The following AK1 variants were observed in gnomAD, a reference collection of about 807,000 sequenced individuals.
The protein encoded by AK1 is adenylate kinase 1.
A neutral mutation model predicts 23.9 loss-of-function variants in AK1; 13 were observed. The ratio of observed to expected loss-of-function variants is 0.54; its 90% CI spans 0.35 to 0.86. The LOEUF is 0.86. Ranked by LOEUF, AK1 falls within the 40% of genes least tolerant of loss-of-function variation. AK1 has a pLI of 0.01. For missense variants in AK1, 214 were observed against 255.1 expected, an observed-to-expected ratio of 0.84 and a Z score of 1.10; for synonymous variants, 97 against 102.8, an observed-to-expected ratio of 0.94 and a Z score of 0.34.
At chr9:127,873,424 G>C in intron 2 of AK1, 1 of 1,564,708 alleles carries the variant, frequency 6.4e-7, no homozygotes, top group East Asian at 2.3e-5. Context: ...TCTCTGCGGG[G>C]GTCACTCGAG....
rs988436292 is a variant in AK1, at chr9:127,871,446, C to A, written c.324+377G>T. Among the ~76,000 whole-genome samples, 7 of 151,566 alleles carry A rather than the reference C, an allele frequency of 4.6e-5. No homozygotes were observed. The highest frequency in any genetic ancestry group is 1.0e-4 in the Non-Finnish European group (7 of 68,006). On this transcript the variant is annotated intron_variant, in intron 5 of 6. Transcript: ENST00000644144. This position sits in a 1 kb window ranked among gnomAD's most constrained non-coding sequence, Gnocchi z 4.4. ...CTGTGTGTTTATAGGGAGCCAAGGC[C>A]CACACTGGAAGGGCACATCCTCTCC...
intron 2 of AK1, chr9:127,874,379 G>A (rs777623528): frequency 5.0e-5 from 49 of 985,236 alleles, no homozygotes; most frequent in Non-Finnish European, 5.5e-5. Context: ...GGGGGTGTGC[G>A]CTGGGGCCCT....
At position 127,870,825 on chromosome 9, in the gene AK1, T is replaced by TG. The variant is rs1564472231; in HGVS notation, c.324+997dup. On this transcript the variant is annotated intron_variant, in intron 5 of 6. Coordinates refer to ENST00000644144, the MANE Select transcript of AK1 (RefSeq NM_000476.3). ...GGAGACGGGGCATGGGAATGGGGCA[T>TG]GGGAATGGGGCATGGGGATGGGAGT... is the stretch of plus-strand genomic sequence containing the variant. Among the ~76,000 whole-genome samples, 199 of 75,970 alleles carry TG rather than the reference T, an allele frequency of 2.6e-3. 2 individuals are homozygous for TG. Among genetic ancestry groups the TG allele is most frequent in the African/African-American group, 7.8e-3 (180 of 23,140 alleles). The allele number at this position is 75,970 out of a possible 152,430, so 49.8% of individuals were successfully genotyped here. A position where few individuals can be genotyped will look rare whatever the true frequency, so the allele number is the denominator to read the frequency against.
rs192232491 is a variant in AK1 at position 127,869,819 on chromosome 9, A to G, written c.325-1307T>C. ...GAGCTCCTCCAGGGCACAGACTCAC[A>G]GTCTCTGGTTCATCTGGGTCTCCAG... On this transcript the variant is annotated intron_variant, in intron 5 of 6. Transcript: ENST00000644144. Among the ~76,000 whole-genome samples, 670 of 152,342 alleles carry G rather than the reference A, an allele frequency of 4.4e-3. 4 individuals are homozygous for G. The highest frequency in any genetic ancestry group is 0.015 in the African/African-American group (634 of 41,584).
rs959007239 is a variant in AK1, at chr9:127,867,596, C to T, written c.*412G>A. ...GATGCAGAGGAGCCCAGGCTGGGAC[C>T]GGTTCTGCCTGAACATGAGCCCCTC... On this transcript the variant is annotated 3_prime_UTR_variant, in exon 7 of 7. Transcript: ENST00000644144. 50 of 260,146 alleles carry T rather than the reference C, an allele frequency of 1.9e-4. 1 individual carries two copies. In the South Asian group the frequency reaches 2.2e-3, roughly 11 times the overall value. 16.1% of individuals were successfully genotyped at this position (260,146 alleles called of 1,614,324 possible). A position where few individuals can be genotyped will look rare whatever the true frequency, so the allele number is the denominator to read the frequency against.
rs959702094 is a variant in AK1 at position 127,871,161 on chromosome 9, G to A, written c.324+662C>T. Among the ~76,000 whole-genome samples the A allele has an allele frequency of 6.6e-5, 10 of 151,734 alleles. No individual in the cohort carries two copies. In the East Asian group the frequency reaches 1.5e-3, roughly 23 times the overall value. ...TGCATGTGTATGTGCAAGCGTCCAC[G>A]TGTGTGCGTGTGTGGGGTGCCCCAT... is the stretch of plus-strand genomic sequence containing the variant. On this transcript the variant is annotated intron_variant, in intron 5 of 6. Transcript: ENST00000644144. This position sits in a 1 kb window ranked among gnomAD's most constrained non-coding sequence, Gnocchi z 4.4.
intron 2 of AK1, chr9:127,873,454 C>G (rs908903420): frequency 2.0e-6 from 3 of 1,519,772 alleles, no homozygotes; most frequent in Non-Finnish European, 8.8e-7. Flanking sequence ...CCCATGGTCC[C>G]GTCCTGCCGT....
rs1007249158 is a variant in AK1 at position 127,874,336 on chromosome 9, G to T, written c.7+275C>A. 5 of 985,282 alleles carry T rather than the reference G, an allele frequency of 5.1e-6. No individual in the cohort carries two copies. In the African/African-American group the frequency reaches 8.7e-5, roughly 17 times the overall value. The allele number at this position is 985,282 out of a possible 1,614,324, so 61.0% of individuals were successfully genotyped here. On this transcript the variant is annotated intron_variant, in intron 2 of 6. Transcript: ENST00000644144. Reference sequence around the variant, plus strand: ...TTTTGTGTATCTGTGGCCTCTCCATGGGGCAGGGTCTCAGCTCTATAAACC... The same window carrying T: ...TTTTGTGTATCTGTGGCCTCTCCATTGGGCAGGGTCTCAGCTCTATAAACC...
In AK1 at chr9:127,867,810, G is replaced by A. The variant is rs977425856; in HGVS notation, c.*198C>T. 6.3e-5 allele frequency: 37 copies of A among 591,856 alleles called. No homozygotes were observed. The South Asian group carries it at 7.2e-4, about 12-fold the overall frequency. The allele number at this position is 591,856 out of a possible 1,614,324, so 36.7% of individuals were successfully genotyped here. ...ACAAGCACATGAATCAACTCCAACT[G>A]GAAGCAGAGAAAAAGCAGTAAAACC... On this transcript the variant is annotated 3_prime_UTR_variant, in exon 7 of 7. Coordinates refer to ENST00000644144, the MANE Select transcript of AK1 (RefSeq NM_000476.3).
chr9:127,873,340 C>A, intron 2 of AK1: 1 of 1,547,202 alleles, frequency 6.5e-7, no homozygotes, highest in Non-Finnish European at 8.7e-7. Flanking sequence ...GCGGGCTGGG[C>A]CGCCAGCCCT....
chr9:127,871,798 A>T lies in AK1; in HGVS notation c.324+25T>A. 6.2e-7 allele frequency: 1 copy of T among 1,603,478 alleles called. No individual in the cohort carries two copies. Reference sequence around the variant, plus strand: ...TCTTATCCTGCCCCAGCCCACCAGGATCCCCACTTGGGTCAGTGCCTTACC... The same window carrying T: ...TCTTATCCTGCCCCAGCCCACCAGGTTCCCCACTTGGGTCAGTGCCTTACC... On this transcript the variant is annotated intron_variant, in intron 5 of 6. Transcript: ENST00000644144. This position sits in a 1 kb window ranked among gnomAD's most constrained non-coding sequence, Gnocchi z 4.4.
At chr9:127,870,805 C>CGGGGCATGGGGAT (rs752617830) in intron 5 of AK1, among the ~76,000 whole-genome samples, 2 of 133,108 alleles carry the variant, frequency 1.5e-5, no homozygotes, top group African/African-American at 5.5e-5. Flanking sequence ...CCTACGGAGA[C>CGGGGCATGGGGAT]GGGGCATGGG....
Position 127,868,191 on chromosome 9 carries a change from C to A in AK1, c.517-115G>T. ...CCGAGCCCAACCTAATTGACAGCAG[C>A]CCCTCATTGAACCAGTGGGGAAACC... On this transcript the variant is annotated intron_variant, in intron 6 of 6. Transcript: ENST00000644144. The surrounding 1 kb of genome is among the most constrained non-coding windows in gnomAD (Gnocchi z 4.1). 1 of 1,455,152 alleles carries A rather than the reference C, an allele frequency of 6.9e-7. No homozygotes were observed. The highest frequency in any genetic ancestry group is 9.5e-7 in the Non-Finnish European group (1 of 1,052,586). 90.1% of individuals were successfully genotyped at this position (1,455,152 alleles called of 1,614,324 possible).
chr9:127,868,108 A>G lies in AK1; in HGVS notation c.517-32T>C. Reference sequence around the variant, plus strand: ...GGAGATGGGCCGTGAGGGCTGAGTCACCAGGTGGAGTGGGGTGGGCCTCAC... The same window carrying G: ...GGAGATGGGCCGTGAGGGCTGAGTCGCCAGGTGGAGTGGGGTGGGCCTCAC... On this transcript the variant is annotated intron_variant, in intron 6 of 6. Coordinates refer to ENST00000644144, the MANE Select transcript of AK1 (RefSeq NM_000476.3). The surrounding 1 kb of genome is among the most constrained non-coding windows in gnomAD (Gnocchi z 4.1). The G allele has an allele frequency of 1.2e-6, 2 of 1,611,930 alleles. No homozygotes were observed. Among genetic ancestry groups the G allele is most frequent in the Non-Finnish European group, 1.7e-6 (2 of 1,178,116 alleles).
At position 127,872,763 on chromosome 9, in the gene AK1, G is replaced by T. The variant is rs570169975; in HGVS notation, c.134C>A (p.Ser45Tyr). ...THLSTGDLLRSEVSSGSARGK... is the reference protein window; with the variant it reads ...THLSTGDLLRYEVSSGSARGK... The stretch of plus-strand genomic sequence containing the variant: ...CCTGGCCGAGCCTGAGCTGACCTCG[G>T]ACCGCAGGAGGTCCCCGGTGGAGAG... Residue 45 changes from serine (S) to tyrosine (Y), a missense_variant, in exon 4 of 7, where the codon TCC becomes TAC. Transcript: ENST00000644144. 6.2e-7 allele frequency: 1 copy of T among 1,614,138 alleles called. No individual in the cohort carries two copies. Among genetic ancestry groups the T allele is most frequent in the African/African-American group, 1.3e-5 (1 of 75,048 alleles).
At position 127,869,075 on chromosome 9, in the gene AK1, T is replaced by C. The variant is rs113544593; in HGVS notation, c.325-563A>G. On this transcript the variant is annotated intron_variant, in intron 5 of 6. Transcript: ENST00000644144. ...GGTCCTTTGACAAAGGAACAAGGGA[T>C]GAGGGAAGGGGTGAGGGGCTGCTGA... 2.0e-3 allele frequency among the ~76,000 whole-genome samples: 304 copies of C among 152,224 alleles called. 2 individuals carry two copies. The highest frequency in any genetic ancestry group is 6.9e-3 in the African/African-American group (285 of 41,548).
rs986887859 is a variant in AK1, at chr9:127,867,772, C to T, written c.*236G>A. On this transcript the variant is annotated 3_prime_UTR_variant, in exon 7 of 7. Coordinates refer to ENST00000644144, the MANE Select transcript of AK1 (RefSeq NM_000476.3). ...GGAGGGTTGAGGGGCTGGGGACTTG[C>T]GGCCAGGTAGGCACAAGCACATGAA... The T allele has an allele frequency of 2.9e-5, 15 of 513,378 alleles. No homozygotes were observed. The highest frequency in any genetic ancestry group is 4.3e-5 in the Non-Finnish European group (12 of 281,998). 31.8% of individuals were successfully genotyped at this position (513,378 alleles called of 1,614,324 possible).
rs1342694398 is a variant in AK1, at chr9:127,868,576, C to G, written c.325-64G>C. 2 of 1,530,388 alleles carry G rather than the reference C, an allele frequency of 1.3e-6. No individual in the cohort carries two copies. The highest frequency in any genetic ancestry group is 2.8e-5 in the African/African-American group (2 of 72,646). 94.8% of individuals were successfully genotyped at this position (1,530,388 alleles called of 1,614,324 possible). On this transcript the variant is annotated intron_variant, in intron 5 of 6. Coordinates refer to ENST00000644144, the MANE Select transcript of AK1 (RefSeq NM_000476.3). This position sits in a 1 kb window ranked among gnomAD's most constrained non-coding sequence, Gnocchi z 4.1. ...CCCCCTAGGGCCATCTCCTCCCCATCTTCCCATCTATGAAGCCCCAGTAGA... is the reference window on the plus strand; with the variant it reads ...CCCCCTAGGGCCATCTCCTCCCCATGTTCCCATCTATGAAGCCCCAGTAGA...
upstream of AK1, among the ~76,000 whole-genome samples, chr9:127,879,066 A>AACACAC (rs35534101): frequency 0.038 from 5,536 of 145,950 alleles, 178 homozygotes; most frequent in African/African-American, 0.099. Flanking sequence ...CTAAAAATAA[A>AACACAC]ACACACACAC....
Sources: gnomAD v4.1 joint callset for allele counts (sites outside exome capture counted in the v4.1 genomes callset) on GRCh38, gnomAD v4.1.1 for gene constraint, Gnocchi (gnomAD v3.1) non-coding constraint, MANE v1.5 for transcripts, NCBI Gene and HGNC (gene_info 2026-07-23, HGNC 2026-07-21) for gene names.